Variants in EXD3 observed in about 807,000 individuals in gnomAD.
EXD3 encodes the protein exonuclease mut-7 homolog.
In EXD3, 92 loss-of-function variants were observed where a neutral mutation model predicts 98.0. The observed-to-expected ratio is 0.94, with a 90% CI of 0.79 to 1.12. The LOEUF (loss-of-function observed/expected upper bound fraction) is 1.12. Among genes scored for constraint, EXD3 ranks in the 50% most tolerant of loss-of-function variants. The probability of loss-of-function intolerance (pLI) is 0.00; values close to 1 mark genes in which losing one functional copy is unlikely to be tolerated. For synonymous variants in EXD3, 569 were observed against 526.0 expected (o/e 1.08, Z -1.12); for missense variants, 1,222 against 1,191.6 (o/e 1.03, Z -0.38).
chr9:137,382,304 C>T (rs961651664), intron 3 of EXD3, among the ~76,000 whole-genome samples: 1 of 150,982 alleles, frequency 6.6e-6, no homozygotes, highest in African/African-American at 2.4e-5. Flanking sequence ...TATAAACAAG[C>T]GCTGCTCCAA....
chr9:137,351,485 A>C lies in EXD3; in HGVS notation c.1217T>G (p.Phe406Cys), dbSNP rs1292582109. The C allele has an allele frequency of 1.9e-6, 3 of 1,598,792 alleles. No individual in the cohort carries two copies. The highest frequency in any genetic ancestry group is 1.3e-5 in the African/African-American group (1 of 74,642). Reference protein sequence around the residue: ...VGVDVEWTPVFVAGGRPRPSL... With the variant: ...VGVDVEWTPVCVAGGRPRPSL... ...CGGCCGAGGCCGGCCCCCAGCAACA[A>C]ACACAGGTGTCCACTCCACGTCTAC... The change falls in exon 13 of 22, where the codon TTT becomes TGT. Residue 406 changes from phenylalanine to cysteine, a missense_variant. Coordinates refer to ENST00000340951, the MANE Select transcript of EXD3 (RefSeq NM_017820.5).
rs562666659 is a variant in EXD3, at chr9:137,403,761, A to G, written c.-47-8357T>C. 1.5e-3 allele frequency among the ~76,000 whole-genome samples: 227 copies of G among 152,290 alleles called. No homozygotes were observed. The highest frequency in any genetic ancestry group is 5.1e-3 in the African/African-American group (214 of 41,566). On this transcript the variant is annotated intron_variant, in intron 1 of 21. Coordinates refer to ENST00000340951, the MANE Select transcript of EXD3 (RefSeq NM_017820.5). The surrounding 1 kb of genome is among the most constrained non-coding windows in gnomAD (Gnocchi z 6.1). ...CCGCCAGCTTCCAAGGGCTCCAGAA[A>G]GTGGTCGCTGCCCTTCTCAGAAGGC... is the stretch of plus-strand genomic sequence containing the variant.
intron 1 of EXD3, among the ~76,000 whole-genome samples, chr9:137,400,645 G>A (rs111980714): frequency 6.6e-6 from 1 of 152,092 alleles, no homozygotes; most frequent in Non-Finnish European, 1.5e-5. Flanking sequence ...CCCACCTATA[G>A]TCCCAGCTAC....
chr9:137,395,310 G>C lies in EXD3; in HGVS notation c.48C>G (p.His16Gln), dbSNP rs745839286. The change falls in exon 2 of 22, where the codon CAC becomes CAG. Residue 16 changes from histidine to glutamine, a missense_variant. By Grantham distance (24) the His-to-Gln change is conservative. Transcript: ENST00000340951. This position sits in a 1 kb window ranked among gnomAD's most constrained non-coding sequence, Gnocchi z 6.5. ...CATCAGGCTCAGACTCACCCATGCGGTGGCGCTCGCCAGCGGCAGGGTCAC... is the reference window on the plus strand; with the variant it reads ...CATCAGGCTCAGACTCACCCATGCGCTGGCGCTCGCCAGCGGCAGGGTCAC... ...PAGDPAAGERHRMGRDPLLLL... is the reference protein window; with the variant it reads ...PAGDPAAGERQRMGRDPLLLL... 1.2e-6 allele frequency: 2 copies of C among 1,613,290 alleles called. No individual in the cohort carries two copies. Among genetic ancestry groups the C allele is most frequent in the Non-Finnish European group, 8.5e-7 (1 of 1,179,756 alleles).
chr9:137,411,985 C>T (rs1161310262), intron 1 of EXD3, among the ~76,000 whole-genome samples: 1 of 152,162 alleles, frequency 6.6e-6, no homozygotes, highest in African/African-American at 2.4e-5. Flanking sequence ...CGGGAGGCGG[C>T]AAGAGAGTGG....
intron 19 of EXD3, among the ~76,000 whole-genome samples, chr9:137,319,929 A>G (rs1179282978): frequency 6.6e-6 from 1 of 152,160 alleles, no homozygotes; most frequent in Non-Finnish European, 1.5e-5. Context: ...CCCAGCCCCA[A>G]CAAGGGCCTC....
chr9:137,366,062 C>T, intron 7 of EXD3: 1 of 677,186 alleles, frequency 1.5e-6, no homozygotes, highest in South Asian at 1.5e-5. Context: ...ACATGGCTTC[C>T]CTGAATCCAT....
rs1198691109 is a variant in EXD3 at position 137,348,751 on chromosome 9, A to C, written c.1830+359T>G. Among the ~76,000 whole-genome samples, 3 of 56,334 alleles carry C rather than the reference A, an allele frequency of 5.3e-5. No homozygotes were observed. The East Asian group carries it at 2.6e-3, about 50-fold the overall frequency. 37.0% of individuals were successfully genotyped at this position (56,334 alleles called of 152,430 possible). On this transcript the variant is annotated intron_variant, in intron 16 of 21. Coordinates refer to ENST00000340951, the MANE Select transcript of EXD3 (RefSeq NM_017820.5). The stretch of plus-strand genomic sequence containing the variant: ...ATAGAGAGGGGTGGGGATCACGGGG[A>C]GGGGTTAGATAGAGAGGGGAGGGGG...
chr9:137,323,260 C>T (rs374642428), intron 19 of EXD3, among the ~76,000 whole-genome samples: 3 of 5,298 alleles, frequency 5.7e-4, no homozygotes, highest in Non-Finnish European at 6.1e-4. Context: ...TGCCGACACC[C>T]CACCCCGGAC....
chr9:137,417,959 G>A (rs545333014), intron 1 of EXD3, among the ~76,000 whole-genome samples: 10 of 152,324 alleles, frequency 6.6e-5, no homozygotes, highest in African/African-American at 2.2e-4. Context: ...CGGAGGGGAC[G>A]GGTGAGCCTC....
chr9:137,370,970 G>A (rs978329312), intron 5 of EXD3, among the ~76,000 whole-genome samples: 42 of 152,210 alleles, frequency 2.8e-4, no homozygotes, highest in African/African-American at 8.7e-4. Flanking sequence ...TAATCCGAGC[G>A]GACAGGCCTG....
intron 3 of EXD3, among the ~76,000 whole-genome samples, chr9:137,380,077 G>T (rs1836151019): frequency 1.3e-5 from 2 of 151,912 alleles, no homozygotes; most frequent in South Asian, 4.2e-4. Flanking sequence ...CTCAATGAAC[G>T]TGCCAAGACC....
intron 1 of EXD3, among the ~76,000 whole-genome samples, chr9:137,398,285 C>T (rs959036429): frequency 1.5e-4 from 23 of 152,232 alleles, no homozygotes; most frequent in Non-Finnish European, 1.0e-4. Flanking sequence ...GGGGTTCACA[C>T]GCTTTGTGGA....
chr9:137,398,326 C>T (rs1035338074), intron 1 of EXD3, among the ~76,000 whole-genome samples: 7 of 152,254 alleles, frequency 4.6e-5, no homozygotes, highest in African/African-American at 1.2e-4. Context: ...TGCCTGCCTC[C>T]GTCTGGATGG....
At chr9:137,373,239 C>A (rs1434835333) in intron 4 of EXD3, among the ~76,000 whole-genome samples, 167 bp from the exon 5 acceptor site, 1 of 152,236 alleles carries the variant, frequency 6.6e-6, no homozygotes, top group Non-Finnish European at 1.5e-5. Flanking sequence ...CCGGTCTCAG[C>A]ACGTGACTGT....
chr9:137,398,451 C>T (rs192327059), intron 1 of EXD3, among the ~76,000 whole-genome samples: 51 of 152,318 alleles, frequency 3.3e-4, no homozygotes, highest in Non-Finnish European at 4.4e-4. Context: ...CAGGCAGAAC[C>T]GCAAGGGAGG....
intron 17 of EXD3, among the ~76,000 whole-genome samples, chr9:137,327,680 A>G (rs962820492): frequency 1.4e-5 from 1 of 73,250 alleles, no homozygotes; most frequent in African/African-American, 5.2e-5. Flanking sequence ...CTATATGATG[A>G]GTAAAAAACT....
chr9:137,353,667 C>T lies in EXD3; in HGVS notation c.870+672G>A, dbSNP rs370574569. The T allele has an allele frequency of 4.0e-4, 391 of 985,748 alleles. 2 individuals are homozygous for T. In the African/African-American group the frequency reaches 6.0e-3, roughly 15 times the overall value. The allele number at this position is 985,748 out of a possible 1,614,324, so 61.1% of individuals were successfully genotyped here. ...ACAGGCCTGCGGGACCCTCAGCCCC[C>T]GCTGGGAAATGCAGGGCCCAGCACA... On this transcript the variant is annotated intron_variant, in intron 10 of 21. Transcript: ENST00000340951.
chr9:137,383,724 G>A (rs1485746497), intron 2 of EXD3, among the ~76,000 whole-genome samples: 1 of 152,192 alleles, frequency 6.6e-6, no homozygotes, highest in Non-Finnish European at 1.5e-5. Context: ...GGCGCCCTCG[G>A]CAACCTCATC....
Sources: gnomAD v4.1 joint callset for allele counts (sites outside exome capture counted in the v4.1 genomes callset) on GRCh38, gnomAD v4.1.1 for gene constraint, Gnocchi (gnomAD v3.1) non-coding constraint, MANE v1.5 for transcripts, NCBI Gene and HGNC (gene_info 2026-07-23, HGNC 2026-07-21) for gene names.